PYGL: variants seen among roughly 807,000 people sequenced by gnomAD.
PYGL encodes the protein glycogen phosphorylase L.
Under a neutral mutation model 100.1 loss-of-function variants are expected in PYGL, and 90 were observed. The ratio of observed to expected loss-of-function variants is 0.90; its 90% CI spans 0.76 to 1.07. PYGL has a LOEUF of 1.07. PYGL is among the 50% of genes least tolerant of loss of function. PYGL has a pLI of 0.00. For synonymous variants in PYGL, 373 were observed against 393.0 expected, an observed-to-expected ratio of 0.95 and a Z score of 0.60; for missense variants, 1,016 against 1,057.6, an observed-to-expected ratio of 0.96 and a Z score of 0.55.
At chr14:50,907,704 C>G (rs1279356435) in intron 19 of PYGL, among the ~76,000 whole-genome samples, 1 of 152,052 alleles carries the variant, frequency 6.6e-6, no homozygotes, top group African/African-American at 2.4e-5. Flanking sequence ...AGTGGGTGCT[C>G]AAAAAATATT....
chr14:50,914,562 A>C, intron 12 of PYGL, 139 bp downstream of exon 12: 1 of 685,608 alleles, frequency 1.5e-6, no homozygotes, highest in Non-Finnish European at 2.7e-6. Context: ...TAAACCCAGC[A>C]TGGAGTCCTG....
intron 4 of PYGL, among the ~76,000 whole-genome samples, chr14:50,927,397 G>A (rs1253712181): frequency 6.6e-6 from 1 of 151,948 alleles, no homozygotes. Flanking sequence ...ACTAATTTTT[G>A]TATTTTTAGT....
At chr14:50,932,296 T>C (rs1045213959) in intron 3 of PYGL, among the ~76,000 whole-genome samples, 2 of 152,216 alleles carry the variant, frequency 1.3e-5, no homozygotes, top group African/African-American at 4.8e-5. Flanking sequence ...GTTGTTCAGA[T>C]ATTAGGTGAT....
At chr14:50,912,544 T>C in intron 13 of PYGL, 1 of 537,422 alleles carries the variant, frequency 1.9e-6, no homozygotes, top group South Asian at 2.0e-5. Context: ...GGTTTCATCA[T>C]GTTGGCCAGA....
intron 2 of PYGL, among the ~76,000 whole-genome samples, chr14:50,937,159 G>T (rs1330197007): frequency 2.6e-5 from 4 of 152,154 alleles, no homozygotes; most frequent in Admixed American, 2.6e-4. Context: ...CCTGTTTTGG[G>T]TATGAAGGTG....
intron 1 of PYGL, among the ~76,000 whole-genome samples, chr14:50,939,101 C>T (rs1318731938): frequency 6.6e-6 from 1 of 152,118 alleles, no homozygotes; most frequent in African/African-American, 2.4e-5. Context: ...AGTGCAGTGG[C>T]GCAATCTCAG....
chr14:50,928,718 C>T (rs892048430), intron 4 of PYGL, among the ~76,000 whole-genome samples: 1 of 152,310 alleles, frequency 6.6e-6, no homozygotes, highest in African/African-American at 2.4e-5. Context: ...AGCCCATCAA[C>T]CTTTAAAAAT....
intron 17 of PYGL, 59 bp downstream of exon 17, chr14:50,909,836 C>A: frequency 6.3e-7 from 1 of 1,586,624 alleles, no homozygotes; most frequent in Non-Finnish European, 8.7e-7. Flanking sequence ...CCTCTGAGGT[C>A]ACATACCTTC....
intron 13 of PYGL, 59 bp from the exon 14 acceptor site, chr14:50,912,362 GT>G: frequency 1.3e-6 from 2 of 1,587,264 alleles, no homozygotes; most frequent in Non-Finnish European, 1.7e-6. Context: ...GGGTGGTCTG[GT>G]TTTTCTTTTT....
In PYGL at chr14:50,920,952, TCA is replaced by T. The variant is rs765425704; in HGVS notation, c.772+2_772+3del. 6 of 1,606,728 alleles carry T rather than the reference TCA, an allele frequency of 3.7e-6. No homozygotes were observed. The highest frequency in any genetic ancestry group is 3.4e-6 in the Non-Finnish European group (4 of 1,173,380). On this transcript the variant is annotated splice_donor_variant and splice_donor_region_variant and intron_variant, in intron 6 of 19. Transcript: ENST00000216392. LOFTEE classifies it high-confidence loss of function. The stretch of plus-strand genomic sequence containing the variant: ...AAAGAAACCAAGGCCTGTGCTGTAC[TCA>T]CAGTCTCTGAGGTTAAAGTCATTTG...
At chr14:50,907,281 G>A (rs116281661) in intron 19 of PYGL, among the ~76,000 whole-genome samples, 4,230 of 151,266 alleles carry the variant, frequency 0.028, 85 homozygotes, top group African/African-American at 0.056. Context: ...CTCTTTCTAC[G>A]AATTTATATT....
chr14:50,941,091 A>G (rs1408686115), intron 1 of PYGL, among the ~76,000 whole-genome samples: 1 of 152,234 alleles, frequency 6.6e-6, no homozygotes, highest in Non-Finnish European at 1.5e-5. Context: ...GTTCTATGGC[A>G]GGCAAGAGGA....
intron 3 of PYGL, 59 bp from the exon 4 acceptor site, chr14:50,931,835 G>A (rs2050603842): frequency 7.0e-7 from 1 of 1,420,272 alleles, no homozygotes. Context: ...AAAATTTCCA[G>A]TCTTTCCCTA....
chr14:50,920,860 G>T, intron 6 of PYGL, 96 bp downstream of exon 6: 1 of 1,298,066 alleles, frequency 7.7e-7, no homozygotes, highest in Non-Finnish European at 1.1e-6. Flanking sequence ...AGAAACTCAA[G>T]GCTTTTTTGT....
intron 16 of PYGL, among the ~76,000 whole-genome samples, chr14:50,910,348 C>A (rs575042501): frequency 6.0e-4 from 92 of 152,228 alleles, no homozygotes; most frequent in Non-Finnish European, 8.2e-4. Flanking sequence ...CTATTGACTG[C>A]GACAAACATT....
Position 50,909,928 on chromosome 14 carries a change from C to G in PYGL, c.2144G>C (p.Arg715Thr), listed in dbSNP as rs1266795527. The change falls in exon 17 of 20, where the codon AGG becomes ACG. Residue 715 changes from arginine (R) to threonine (T), a missense_variant. Transcript: ENST00000216392. ...GTCCAAAGCAGCCACATCATCTATCCTCATGCCAAAGATGAACAGGTTCTC... is the reference window on the plus strand; with the variant it reads ...GTCCAAAGCAGCCACATCATCTATCGTCATGCCAAAGATGAACAGGTTCTC... ...GEENLFIFGM[R>T]IDDVAALDKK... The G allele has an allele frequency of 1.9e-6, 3 of 1,614,184 alleles. No homozygotes were observed. The Admixed American group carries it at 5.0e-5, about 27-fold the overall frequency.
At chr14:50,928,612 G>A (rs1358259264) in intron 4 of PYGL, among the ~76,000 whole-genome samples, 1 of 151,630 alleles carries the variant, frequency 6.6e-6, no homozygotes, top group African/African-American at 2.4e-5. Flanking sequence ...CATGAGAGGA[G>A]ATGGTAAATA....
chr14:50,936,606 C>T (rs1337244907), intron 2 of PYGL, among the ~76,000 whole-genome samples: 3 of 152,100 alleles, frequency 2.0e-5, no homozygotes, highest in Non-Finnish European at 4.4e-5. Context: ...GTCAGGAGTT[C>T]GAGACCAGCT....
intron 4 of PYGL, among the ~76,000 whole-genome samples, chr14:50,926,725 C>T (rs1433804306): frequency 1.2e-3 from 53 of 42,834 alleles, no homozygotes; most frequent in African/African-American, 3.8e-3. Context: ...GACTCTGTCT[C>T]AAAAAAAAAA....
Sources: allele counts gnomAD v4.1 joint callset (sites outside exome capture counted in the v4.1 genomes callset), GRCh38; gene constraint gnomAD v4.1.1; transcripts MANE v1.5; gene names NCBI Gene and HGNC (gene_info 2026-07-23, HGNC 2026-07-21).